Variants in SEMA3A observed in about 807,000 individuals in gnomAD.
SEMA3A encodes semaphorin 3A.
In SEMA3A, 29 loss-of-function variants were observed where a neutral mutation model predicts 97.9. The observed-to-expected ratio is 0.30, with a 90% confidence interval of 0.22 to 0.40. SEMA3A has a LOEUF of 0.40. Among genes scored for constraint, SEMA3A ranks in the 10% least tolerant of loss-of-function variants. The probability of loss-of-function intolerance (pLI) is 1.00; values close to 1 mark genes in which losing one functional copy is unlikely to be tolerated. For synonymous variants in SEMA3A, 321 were observed against 323.7 expected (o/e 0.99, Z 0.09); for missense variants, 763 against 951.3 (o/e 0.80, Z 2.60).
At chr7:84,125,971 C>T (rs1447731834) in intron 3 of SEMA3A, among the ~76,000 whole-genome samples, 2 of 151,974 alleles carry the variant, frequency 1.3e-5, no homozygotes, top group Non-Finnish European at 2.9e-5. Flanking sequence ...AATTTTCAGA[C>T]CAAATCAAAT....
intron 1 of SEMA3A, among the ~76,000 whole-genome samples, chr7:84,166,999 G>T (rs1421071189): frequency 5.6e-5 from 3 of 54,042 alleles, no homozygotes; most frequent in South Asian, 4.5e-4. Context: ...CTATCATATA[G>T]TGAGTGTTGA....
At chr7:84,420,741 T>A (rs1804567597) in intron 1 of SEMA3A, among the ~76,000 whole-genome samples, 1 of 152,104 alleles carries the variant, frequency 6.6e-6, no homozygotes, top group Non-Finnish European at 1.5e-5. Context: ...TCCAGGAATT[T>A]ATTCATTTCT....
intron 5 of SEMA3A, among the ~76,000 whole-genome samples, chr7:84,050,184 T>C (rs969310804): frequency 2.0e-5 from 3 of 152,106 alleles, no homozygotes; most frequent in African/African-American, 7.2e-5. Context: ...TACGTGTGCA[T>C]GTGTCTTTAT....
At chr7:84,374,559 C>G (rs1004424025) in intron 1 of SEMA3A, among the ~76,000 whole-genome samples, 1 of 152,140 alleles carries the variant, frequency 6.6e-6, no homozygotes, top group Admixed American at 6.5e-5. Context: ...AGGTGTTGTG[C>G]TTATATTATC....
At chr7:83,985,759 C>A (rs569032993) in intron 12 of SEMA3A, among the ~76,000 whole-genome samples, 6 of 152,160 alleles carry the variant, frequency 3.9e-5, no homozygotes, top group African/African-American at 1.4e-4. Context: ...TGAGCCTGCA[C>A]AGTGAGCACA....
At chr7:84,260,714 G>T (rs902853607) in intron 3 of SEMA3A, among the ~76,000 whole-genome samples, 3 of 152,194 alleles carry the variant, frequency 2.0e-5, no homozygotes, top group African/African-American at 7.2e-5. Context: ...AAATGAGCAT[G>T]GGAAGGAGGC....
intron 4 of SEMA3A, among the ~76,000 whole-genome samples, chr7:84,099,466 T>C (rs1167413412): frequency 1.3e-5 from 2 of 152,162 alleles, no homozygotes; most frequent in Non-Finnish European, 2.9e-5. Context: ...GGAGAAACTC[T>C]CCTTTGTGAT....
At chr7:84,396,097 G>A (rs1803724455) in intron 1 of SEMA3A, among the ~76,000 whole-genome samples, 1 of 152,012 alleles carries the variant, frequency 6.6e-6, no homozygotes, top group Admixed American at 6.6e-5. Flanking sequence ...GTGAATTAAG[G>A]AAGGCTGAAT....
At position 84,163,395 on chromosome 7, in the gene SEMA3A, C is replaced by CA. The variant is rs963165309; in HGVS notation, c.113-28445dup. On this transcript the variant is annotated intron_variant, in intron 1 of 16. Coordinates refer to ENST00000265362, the MANE Select transcript of SEMA3A (RefSeq NM_006080.3). ...TAACAGCAAATATATAGTAAGAGGC[C>CA]AAAAAAAAGAAACCAACTGTCCTTA... Among the ~76,000 whole-genome samples the CA allele has an allele frequency of 5.3e-5, 8 of 150,688 alleles. No homozygotes were observed. In the Middle Eastern group the frequency reaches 0.01, roughly 195 times the overall value.
At chr7:84,299,841 C>T (rs1316091694) in intron 3 of SEMA3A, among the ~76,000 whole-genome samples, 2 of 324 alleles carry the variant, frequency 6.2e-3, no homozygotes, top group Admixed American at 0.042. Flanking sequence ...ACCAGCCTGG[C>T]CAACGTGGTG....
chr7:84,228,133 T>G (rs1320761252), intron 3 of SEMA3A, among the ~76,000 whole-genome samples: 1 of 152,040 alleles, frequency 6.6e-6, no homozygotes, highest in African/African-American at 2.4e-5. Context: ...AAATGGGTGA[T>G]GAAGCCAGAG....
At chr7:84,046,519 A>C in intron 5 of SEMA3A, 76 bp from the exon 6 acceptor site, 10 of 1,535,508 alleles carry the variant, frequency 6.5e-6, no homozygotes, top group East Asian at 2.3e-5. Context: ...AACAAACAAA[A>C]TGCAAGTTTC....
intron 3 of SEMA3A, among the ~76,000 whole-genome samples, chr7:84,127,403 T>C (rs1267961693): frequency 2.6e-5 from 4 of 152,088 alleles, no homozygotes; most frequent in African/African-American, 9.7e-5. Context: ...GACTCCCACT[T>C]TGCTTCTTAG....
At chr7:84,332,611 GC>G (rs1562906888) in intron 2 of SEMA3A, among the ~76,000 whole-genome samples, 1 of 151,838 alleles carries the variant, frequency 6.6e-6, no homozygotes, top group African/African-American at 2.4e-5. Context: ...AAAGAACATA[GC>G]TTTAACATGT....
At chr7:84,475,048 G>A (rs944894763) in intron 1 of SEMA3A, among the ~76,000 whole-genome samples, 2 of 152,168 alleles carry the variant, frequency 1.3e-5, no homozygotes, top group African/African-American at 4.8e-5. Flanking sequence ...CAGATGGGCT[G>A]GAGGCACCAG....
chr7:84,320,643 T>C (rs1032794301), intron 2 of SEMA3A, among the ~76,000 whole-genome samples: 1 of 94,288 alleles, frequency 1.1e-5, no homozygotes, highest in African/African-American at 4.5e-5. Context: ...TTTAGTGTAC[T>C]TGAGAAATAA....
intron 1 of SEMA3A, among the ~76,000 whole-genome samples, chr7:84,162,769 C>T (rs1292257041): frequency 6.6e-6 from 1 of 152,034 alleles, no homozygotes; most frequent in Non-Finnish European, 1.5e-5. Context: ...TGCTGAGAAG[C>T]TCTGTAAAAT....
chr7:84,104,506 T>C lies in SEMA3A; in HGVS notation c.453+5964A>G, dbSNP rs1795049707. 1.3e-5 allele frequency among the ~76,000 whole-genome samples: 2 copies of C among 152,170 alleles called. 1 individual carries two copies. Among genetic ancestry groups the C allele is most frequent in the South Asian group, 4.1e-4 (2 of 4,836 alleles). Reference sequence around the variant, plus strand: ...GGTACAGGATAAATGAATGTTAATCTCATAACTATTGTGTTTATATATCAA... The same window carrying C: ...GGTACAGGATAAATGAATGTTAATCCCATAACTATTGTGTTTATATATCAA... On this transcript the variant is annotated intron_variant, in intron 4 of 16. Transcript: ENST00000265362.
chr7:84,269,564 A>G (rs1800093029), intron 3 of SEMA3A, among the ~76,000 whole-genome samples: 1 of 152,136 alleles, frequency 6.6e-6, no homozygotes, highest in African/African-American at 2.4e-5. Context: ...TAAAACAGCT[A>G]ATTGATGGCA....
Sources: gnomAD v4.1 joint callset for allele counts (sites outside exome capture counted in the v4.1 genomes callset) on GRCh38, gnomAD v4.1.1 for gene constraint, MANE v1.5 for transcripts, NCBI Gene and HGNC (gene_info 2026-07-23, HGNC 2026-07-21) for gene names.